The following DAGLA variants were observed in gnomAD, a reference collection of about 807,000 sequenced individuals.
DAGLA encodes diacylglycerol lipase alpha, also known as diacylglycerol lipase-alpha.
In DAGLA, 22 loss-of-function variants were observed where a neutral mutation model predicts 102.6. The ratio of observed to expected loss-of-function variants is 0.21; its 90% CI spans 0.15 to 0.31. The LOEUF (loss-of-function observed/expected upper bound fraction) is 0.31. Among genes scored for constraint, DAGLA ranks in the 10% least tolerant of loss-of-function variants. DAGLA has a pLI of 1.00. For missense variants in DAGLA, 927 were observed against 1,446.6 expected (o/e 0.64, Z 5.83); for synonymous variants, 578 against 628.9 (o/e 0.92, Z 1.21).
At chr11:61,730,553 C>T (rs376242677) in intron 8 of DAGLA, among the ~76,000 whole-genome samples, 3 of 152,198 alleles carry the variant, frequency 2.0e-5, no homozygotes, top group East Asian at 1.9e-4. Flanking sequence ...TTCCCTCTCC[C>T]GGTGCCTGGG....
At chr11:61,743,509 C>T (rs375841063) in intron 19 of DAGLA, 23 bp from the exon 20 acceptor site, 3 of 1,499,282 alleles carry the variant, frequency 2.0e-6, no homozygotes, top group Non-Finnish European at 2.7e-6. Context: ...TCTTATACCC[C>T]CTGCTCTCCT....
At chr11:61,696,558 G>T (rs991932641) in intron 1 of DAGLA, among the ~76,000 whole-genome samples, 25 of 131,404 alleles carry the variant, frequency 1.9e-4, no homozygotes, top group African/African-American at 5.8e-4. Flanking sequence ...CCCTCCCAGA[G>T]TAAGAGGCAT....
chr11:61,728,874 A>C lies in DAGLA; in HGVS notation c.772-57A>C, dbSNP rs572292448. 5 of 1,524,222 alleles carry C rather than the reference A, an allele frequency of 3.3e-6. No individual in the cohort carries two copies. The South Asian group carries it at 5.6e-5, about 17-fold the overall frequency. The allele number at this position is 1,524,222 out of a possible 1,614,324, so 94.4% of individuals were successfully genotyped here. A position where few individuals can be genotyped will look rare whatever the true frequency, so the allele number is the denominator to read the frequency against. Reference sequence around the variant, plus strand: ...CGCCAGGGCCTGGGCCCCCTTTCCCAGCCATGCAGCCGGGCCTGGGCCAGT... The same window carrying C: ...CGCCAGGGCCTGGGCCCCCTTTCCCCGCCATGCAGCCGGGCCTGGGCCAGT... On this transcript the variant is annotated intron_variant, in intron 7 of 19. Transcript: ENST00000257215.
Position 61,723,713 on chromosome 11 carries a change from C to T in DAGLA, c.548+141C>T. On this transcript the variant is annotated intron_variant, in intron 5 of 19. Coordinates refer to ENST00000257215, the MANE Select transcript of DAGLA (RefSeq NM_006133.3). ...TGAGCCGTGGGCATTAGTCAAAGGG[C>T]TTAACTGCTCCCTGCCTCAGTTTCC... is the stretch of plus-strand genomic sequence containing the variant. 3.0e-6 allele frequency: 3 copies of T among 997,584 alleles called. No individual in the cohort carries two copies. The South Asian group carries it at 4.9e-5, about 16-fold the overall frequency. 61.8% of individuals were successfully genotyped at this position (997,584 alleles called of 1,614,324 possible). A position where few individuals can be genotyped will look rare whatever the true frequency, so the allele number is the denominator to read the frequency against.
chr11:61,741,940 C>G (rs140708716), intron 19 of DAGLA, among the ~76,000 whole-genome samples: 1 of 152,094 alleles, frequency 6.6e-6, no homozygotes, highest in South Asian at 2.1e-4. Context: ...CACACTTAGA[C>G]GCAAACAGAT....
At chr11:61,718,600 C>T (rs1483718854) in intron 1 of DAGLA, among the ~76,000 whole-genome samples, 1 of 151,702 alleles carries the variant, frequency 6.6e-6, no homozygotes, top group African/African-American at 2.4e-5. Context: ...GACCACCCCC[C>T]ACCCCCAAAG....
chr11:61,716,510 G>C (rs570176474), intron 1 of DAGLA, among the ~76,000 whole-genome samples: 2 of 142,860 alleles, frequency 1.4e-5, no homozygotes, highest in Admixed American at 7.2e-5. Context: ...GGATGTGGCA[G>C]TGTAAGAAGG....
intron 1 of DAGLA, among the ~76,000 whole-genome samples, chr11:61,708,779 G>A (rs1313700090): frequency 6.6e-6 from 1 of 152,206 alleles, no homozygotes; most frequent in East Asian, 1.9e-4. Flanking sequence ...CGAGGAGAGG[G>A]CTGCGTTGTA....
At chr11:61,693,185 G>A (rs1433969539) in intron 1 of DAGLA, among the ~76,000 whole-genome samples, 3 of 151,546 alleles carry the variant, frequency 2.0e-5, no homozygotes, top group Non-Finnish European at 4.4e-5. Flanking sequence ...TAGTACAGAC[G>A]GGGTTTCACC....
At chr11:61,709,990 G>T (rs1433726658) in intron 1 of DAGLA, among the ~76,000 whole-genome samples, 1 of 152,202 alleles carries the variant, frequency 6.6e-6, no homozygotes, top group African/African-American at 2.4e-5. Context: ...AGGAGAGGAG[G>T]CAGCAGGACC....
In DAGLA at chr11:61,740,470, G is replaced by T; in HGVS notation, c.1861G>T (p.Glu621Ter). ...NHPAEQCCCC[E>*]QEEPTYFAIW... The stretch of plus-strand genomic sequence containing the variant: ...TGTCCATGTCCCTCTCAGCTGCTGT[G>T]AGCAGGAGGAGCCCACATACTTTGC... The change falls in exon 18 of 20, where the codon GAG (glutamate) becomes TAG (stop). Residue 621 changes from glutamate to a stop codon, truncating the protein, a stop_gained. Transcript: ENST00000257215. LOFTEE classifies it high-confidence loss of function. 1 of 1,613,656 alleles carries T rather than the reference G, an allele frequency of 6.2e-7. No individual in the cohort carries two copies. Among genetic ancestry groups the T allele is most frequent in the South Asian group, 1.1e-5 (1 of 91,066 alleles).
At chr11:61,707,980 A>T (rs2065163421) in intron 1 of DAGLA, among the ~76,000 whole-genome samples, 1 of 150,664 alleles carries the variant, frequency 6.6e-6, no homozygotes, top group African/African-American at 2.5e-5. Context: ...TTGAGAAGGG[A>T]ATTTATTTAT....
Position 61,744,474 on chromosome 11 carries a change from C to A in DAGLA, c.3114C>A (p.Val1038=). The change falls in exon 20 of 20, where the codon GTC becomes GTA. Residue 1038 remains valine, a synonymous_variant. Coordinates refer to ENST00000257215, the MANE Select transcript of DAGLA (RefSeq NM_006133.3). The stretch of plus-strand genomic sequence containing the variant: ...GCCCCGCCAAGCAAGATGAGCTGGT[C>A]ATCTCAGCACGCTAGCACCCCAGTT... ...GASPAKQDEL[V]ISAR is the part of the protein sequence containing the mutation. 1 of 1,570,648 alleles carries A rather than the reference C, an allele frequency of 6.4e-7. No homozygotes were observed. Among genetic ancestry groups the A allele is most frequent in the South Asian group, 1.2e-5 (1 of 85,386 alleles).
At chr11:61,720,633 G>A (rs752116793) in intron 2 of DAGLA, 46 bp from the exon 3 acceptor site, 1 of 1,590,098 alleles carries the variant, frequency 6.3e-7, no homozygotes, top group Non-Finnish European at 8.6e-7. Context: ...GCATCTCGAG[G>A]TACAGGGGCC....
At chr11:61,687,162 G>A (rs748718642) in intron 1 of DAGLA, among the ~76,000 whole-genome samples, 34 of 152,122 alleles carry the variant, frequency 2.2e-4, no homozygotes, top group Non-Finnish European at 3.7e-4. Flanking sequence ...TCTTACGGGC[G>A]GCTTAGGGAG....
intron 9 of DAGLA, among the ~76,000 whole-genome samples, chr11:61,733,193 C>G (rs58186171): frequency 6.6e-6 from 1 of 152,176 alleles, no homozygotes; most frequent in South Asian, 2.1e-4. Flanking sequence ...CAGGCCCTTG[C>G]GGTCAGGAAG....
chr11:61,746,595 C>G lies in DAGLA; in HGVS notation c.*2106C>G, dbSNP rs1232939378. The G allele has an allele frequency of 6.6e-6, 1 of 152,614 alleles. No homozygotes were observed. The highest frequency in any genetic ancestry group is 2.1e-4 in the South Asian group (1 of 4,836). 9.5% of individuals were successfully genotyped at this position (152,614 alleles called of 1,614,324 possible). ...GCACCCAGGGGCAGCCCACCCCTAA[C>G]CTGGCTCCTACCCACCTCGCCCTTG... is the stretch of plus-strand genomic sequence containing the variant. On this transcript the variant is annotated 3_prime_UTR_variant, in exon 20 of 20. Transcript: ENST00000257215.
intron 13 of DAGLA, 107 bp downstream of exon 13, chr11:61,736,457 C>T: frequency 2.2e-6 from 2 of 921,202 alleles, no homozygotes; most frequent in Non-Finnish European, 3.5e-6. Flanking sequence ...ACAACTCCCA[C>T]ACAAGCCAGG....
intron 1 of DAGLA, among the ~76,000 whole-genome samples, chr11:61,688,474 G>A (rs1354642138): frequency 2.0e-5 from 3 of 152,218 alleles, no homozygotes; most frequent in Non-Finnish European, 4.4e-5. Flanking sequence ...TCTGCAGCTT[G>A]CCAGCTGCCA....
Sources: allele counts gnomAD v4.1 joint callset (sites outside exome capture counted in the v4.1 genomes callset), GRCh38; gene constraint gnomAD v4.1.1; transcripts MANE v1.5; gene names NCBI Gene and HGNC (gene_info 2026-07-23, HGNC 2026-07-21).